Variants in PPARGC1A observed in about 807,000 individuals in gnomAD.
PPARGC1A encodes the protein PPARG coactivator 1 alpha, also known as peroxisome proliferator-activated receptor gamma coactivator 1-alpha.
Under a neutral mutation model 88.7 loss-of-function variants are expected in PPARGC1A, and 25 were observed. The ratio of observed to expected loss-of-function variants is 0.28; its 90% CI spans 0.21 to 0.39. PPARGC1A has a LOEUF of 0.39. PPARGC1A is among the 10% of genes least tolerant of loss of function. PPARGC1A has a pLI of 1.00. For missense variants in PPARGC1A, 880 were observed against 968.7 expected (o/e 0.91, Z 1.22); for synonymous variants, 363 against 355.6 (o/e 1.02, Z -0.24).
the PPARGC1A span, among the ~76,000 whole-genome samples, chr4:24,146,960 G>C: frequency 6.6e-6 from 1 of 152,182 alleles, no homozygotes; most frequent in Non-Finnish European, 1.5e-5. Flanking sequence ...GAATATAACT[G>C]TCACATTCAT....
the PPARGC1A span, among the ~76,000 whole-genome samples, chr4:24,269,894 G>A: frequency 6.6e-6 from 1 of 152,100 alleles, no homozygotes; most frequent in African/African-American, 2.4e-5. Flanking sequence ...CTCTAAAATG[G>A]ACATAATAGA....
At chr4:24,142,178 A>G in the PPARGC1A span, among the ~76,000 whole-genome samples, 1 of 152,242 alleles carries the variant, frequency 6.6e-6, no homozygotes, top group Non-Finnish European at 1.5e-5. Flanking sequence ...ACCAGCCTCC[A>G]TAGAGTGTTT....
chr4:23,894,588 G>C (rs1375448484), upstream of PPARGC1A, among the ~76,000 whole-genome samples: 1 of 151,992 alleles, frequency 6.6e-6, no homozygotes, highest in African/African-American at 2.4e-5. Flanking sequence ...AGTTATGATA[G>C]ACAACCTTAG....
At chr4:24,009,150 A>AAAAAAAAAAAAAAGAG in the PPARGC1A span, among the ~76,000 whole-genome samples, 2 of 79,796 alleles carry the variant, frequency 2.5e-5, no homozygotes, top group African/African-American at 1.2e-4. Flanking sequence ...AAAAAAAAAA[A>AAAAAAAAAAAAAAGAG]AGAGAGAGAA....
the PPARGC1A span, among the ~76,000 whole-genome samples, chr4:24,111,823 C>T: frequency 1.3e-5 from 2 of 152,172 alleles, no homozygotes; most frequent in African/African-American, 2.4e-5. Flanking sequence ...AGACAGTCAA[C>T]ACACATGCGC....
At chr4:23,980,207 A>T in the PPARGC1A span, among the ~76,000 whole-genome samples, 1 of 151,206 alleles carries the variant, frequency 6.6e-6, no homozygotes, top group Non-Finnish European at 1.5e-5. Context: ...AAAAAAAAAA[A>T]AATGGAGGAT....
the PPARGC1A span, among the ~76,000 whole-genome samples, chr4:24,336,729 GC>G: frequency 4.6e-5 from 7 of 152,162 alleles, no homozygotes; most frequent in South Asian, 8.3e-4. Flanking sequence ...TTGGTAGATA[GC>G]TGGCTTTTTG....
At chr4:24,035,396 C>G in the PPARGC1A span, among the ~76,000 whole-genome samples, 1 of 151,682 alleles carries the variant, frequency 6.6e-6, no homozygotes, top group Non-Finnish European at 1.5e-5. Flanking sequence ...AAAAAATTAG[C>G]CGGGTGTGGT....
At chr4:24,127,936 T>C in the PPARGC1A span, among the ~76,000 whole-genome samples, 1 of 152,092 alleles carries the variant, frequency 6.6e-6, no homozygotes, top group Non-Finnish European at 1.5e-5. Context: ...AGACAAAGAC[T>C]AGTTTCCATT....
chr4:24,384,824 G>C, the PPARGC1A span, among the ~76,000 whole-genome samples: 59 of 152,160 alleles, frequency 3.9e-4, no homozygotes, highest in African/African-American at 1.2e-3. Flanking sequence ...GTCAATATTA[G>C]ACAGATCAAC....
the PPARGC1A span, among the ~76,000 whole-genome samples, chr4:24,310,726 ACT>A: frequency 6.6e-6 from 1 of 152,214 alleles, no homozygotes; most frequent in African/African-American, 2.4e-5. Context: ...AACGAAAAAC[ACT>A]CTTTGAAAAA....
upstream of PPARGC1A, among the ~76,000 whole-genome samples, chr4:23,894,462 GA>G (rs951925615): frequency 7.3e-5 from 11 of 151,668 alleles, no homozygotes; most frequent in African/African-American, 2.7e-4. Context: ...CATTTTGCTT[GA>G]AAAAAATGCC....
chr4:24,350,085 G>T, the PPARGC1A span, among the ~76,000 whole-genome samples: 1 of 152,200 alleles, frequency 6.6e-6, no homozygotes, highest in Non-Finnish European at 1.5e-5. Context: ...CTCCAGTGGG[G>T]GGTGTGTTCG....
the PPARGC1A span, among the ~76,000 whole-genome samples, chr4:23,971,855 A>C: frequency 1.7e-4 from 26 of 152,342 alleles, no homozygotes; most frequent in African/African-American, 6.3e-4. Context: ...CCTCTCCCTA[A>C]AAGATAGAAA....
At chr4:24,214,702 C>G in the PPARGC1A span, among the ~76,000 whole-genome samples, 5 of 152,136 alleles carry the variant, frequency 3.3e-5, no homozygotes, top group Admixed American at 3.3e-4. Context: ...GGCCATTTCT[C>G]TCTGCTATAG....
At chr4:24,013,557 C>T in the PPARGC1A span, among the ~76,000 whole-genome samples, 1 of 152,146 alleles carries the variant, frequency 6.6e-6, no homozygotes, top group African/African-American at 2.4e-5. Context: ...CTTCCTAGAA[C>T]TGTCTTCTTC....
the PPARGC1A span, among the ~76,000 whole-genome samples, chr4:24,078,745 C>T: frequency 6.6e-6 from 1 of 152,172 alleles, no homozygotes. Flanking sequence ...AAGTCAGTTA[C>T]CATTTGTTTA....
At chr4:24,309,335 A>T in the PPARGC1A span, among the ~76,000 whole-genome samples, 3 of 152,286 alleles carry the variant, frequency 2.0e-5, no homozygotes, top group Non-Finnish European at 4.4e-5. Flanking sequence ...GGTAATGCAA[A>T]GATGCATCCA....
the PPARGC1A span, among the ~76,000 whole-genome samples, chr4:24,239,332 T>G: frequency 6.6e-6 from 1 of 152,130 alleles, no homozygotes; most frequent in African/African-American, 2.4e-5. Flanking sequence ...CAAAACTCAG[T>G]GGGTTCACAG....
Sources: gnomAD v4.1 joint callset for allele counts (sites outside exome capture counted in the v4.1 genomes callset) on GRCh38, gnomAD v4.1.1 for gene constraint, MANE v1.5 for transcripts, NCBI Gene and HGNC (gene_info 2026-07-23, HGNC 2026-07-21) for gene names.